PXDNL: variants seen among roughly 807,000 people sequenced by gnomAD.
PXDNL encodes the protein peroxidasin like.
A neutral mutation model predicts 150.8 loss-of-function variants in PXDNL; 145 were observed. That is an observed-to-expected ratio of 0.96 (90% CI 0.84 to 1.10). The LOEUF is 1.10. Ranked by LOEUF, PXDNL falls within the 50% of genes least tolerant of loss-of-function variation. The probability of loss-of-function intolerance (pLI) is 0.00; values close to 1 mark genes in which losing one functional copy is unlikely to be tolerated. For missense variants in PXDNL, 2,087 were observed against 1,873.9 expected (o/e 1.11, Z -2.10); for synonymous variants, 757 against 725.7 (o/e 1.04, Z -0.69).
chr8:51,647,922 T>G (rs547422048), intron 2 of PXDNL, among the ~76,000 whole-genome samples: 1 of 152,332 alleles, frequency 6.6e-6, no homozygotes, highest in African/African-American at 2.4e-5. Flanking sequence ...TTTTGCCTAT[T>G]TTTTAATATC....
At chr8:51,645,317 AAC>A (rs1341286639) in intron 2 of PXDNL, among the ~76,000 whole-genome samples, 1 of 152,186 alleles carries the variant, frequency 6.6e-6, no homozygotes, top group Non-Finnish European at 1.5e-5. Flanking sequence ...CTCTTCCAGA[AAC>A]ACCCTCTCAG....
chr8:51,426,603 G>C, intron 13 of PXDNL, 43 bp downstream of exon 13: 1 of 1,116,396 alleles, frequency 9.0e-7, no homozygotes, highest in South Asian at 1.4e-5. Flanking sequence ...CGATACATCT[G>C]TCAGTGTTTT....
At chr8:51,518,451 A>G (rs541074396) in intron 4 of PXDNL, among the ~76,000 whole-genome samples, 21 of 152,320 alleles carry the variant, frequency 1.4e-4, no homozygotes, top group Non-Finnish European at 2.2e-4. Flanking sequence ...AGAACATATA[A>G]TATGCTCAAA....
chr8:51,757,969 A>G (rs550927322), intron 1 of PXDNL, among the ~76,000 whole-genome samples: 1 of 152,226 alleles, frequency 6.6e-6, no homozygotes, highest in African/African-American at 2.4e-5. Context: ...TCTCATGAAA[A>G]TACCAATTAA....
chr8:51,792,693 C>T (rs1284981952), intron 1 of PXDNL, among the ~76,000 whole-genome samples: 2 of 152,188 alleles, frequency 1.3e-5, no homozygotes, highest in Non-Finnish European at 2.9e-5. Flanking sequence ...TTCCCCACAG[C>T]ACAGGATAAT....
At chr8:51,666,224 T>A (rs1815382836) in intron 1 of PXDNL, among the ~76,000 whole-genome samples, 1 of 152,180 alleles carries the variant, frequency 6.6e-6, no homozygotes, top group Non-Finnish European at 1.5e-5. Flanking sequence ...CCTTCCTTTT[T>A]AAGCTATCCT....
intron 3 of PXDNL, among the ~76,000 whole-genome samples, chr8:51,557,314 A>G (rs1336320879): frequency 6.6e-6 from 1 of 152,156 alleles, no homozygotes; most frequent in South Asian, 2.1e-4. Flanking sequence ...GATTCATCTT[A>G]AGGGGATAAA....
At position 51,688,254 on chromosome 8, in the gene PXDNL, A is replaced by C. The variant is rs147891649; in HGVS notation, c.165-33494T>G. Among the ~76,000 whole-genome samples, 28 of 152,226 alleles carry C rather than the reference A, an allele frequency of 1.8e-4. 1 individual carries two copies. The East Asian group carries it at 1.9e-3, about 11-fold the overall frequency. On this transcript the variant is annotated intron_variant, in intron 1 of 22. Coordinates refer to ENST00000356297, the MANE Select transcript of PXDNL (RefSeq NM_144651.5). ...GCATGGGTGCAGGAAGACCGGAGTCAGAAGCATGTCAGCCTCATAGTCAGG... is the reference window on the plus strand; with the variant it reads ...GCATGGGTGCAGGAAGACCGGAGTCCGAAGCATGTCAGCCTCATAGTCAGG...
At chr8:51,602,841 G>A (rs927845549) in intron 2 of PXDNL, among the ~76,000 whole-genome samples, 6 of 151,130 alleles carry the variant, frequency 4.0e-5, no homozygotes, top group African/African-American at 1.5e-4. Context: ...TTATTATACA[G>A]ATGTTTTAAA....
chr8:51,402,661 A>G (rs1157144973), intron 17 of PXDNL, among the ~76,000 whole-genome samples: 1 of 152,248 alleles, frequency 6.6e-6, no homozygotes, highest in Non-Finnish European at 1.5e-5. Flanking sequence ...AGAGGATTCA[A>G]AAATAGCTTT....
intron 1 of PXDNL, among the ~76,000 whole-genome samples, chr8:51,674,428 A>C (rs1195567076): frequency 6.6e-6 from 1 of 152,216 alleles, no homozygotes; most frequent in African/African-American, 2.4e-5. Flanking sequence ...AAATAATTAG[A>C]TGTCATGAAT....
chr8:51,801,370 T>A (rs1307296732), intron 1 of PXDNL, among the ~76,000 whole-genome samples: 2 of 152,210 alleles, frequency 1.3e-5, no homozygotes, highest in Admixed American at 6.5e-5. Flanking sequence ...AACATAGACC[T>A]TCATCAGTAA....
chr8:51,776,830 T>G (rs980871459), intron 1 of PXDNL, among the ~76,000 whole-genome samples: 1 of 152,124 alleles, frequency 6.6e-6, no homozygotes, highest in East Asian at 1.9e-4. Flanking sequence ...GGTCTTGACA[T>G]GTATCACAAT....
intron 2 of PXDNL, among the ~76,000 whole-genome samples, chr8:51,594,831 T>C (rs1047253484): frequency 3.9e-5 from 6 of 152,212 alleles, no homozygotes; most frequent in African/African-American, 1.2e-4. Context: ...ATTTATGTTA[T>C]GTTGTTTTAT....
chr8:51,365,922 A>T (rs1806903698), intron 19 of PXDNL, among the ~76,000 whole-genome samples: 3 of 152,326 alleles, frequency 2.0e-5, no homozygotes. Flanking sequence ...AAAGCAGCAT[A>T]ACCAAACTGA....
chr8:51,807,454 T>C (rs370581535), intron 1 of PXDNL, among the ~76,000 whole-genome samples: 5 of 152,154 alleles, frequency 3.3e-5, no homozygotes, highest in East Asian at 3.9e-4. Context: ...ACCTCCAACA[T>C]TGGGAGTTAC....
chr8:51,541,253 T>TAAATAAAGAAAA (rs1554551076), intron 4 of PXDNL, among the ~76,000 whole-genome samples: 1 of 127,210 alleles, frequency 7.9e-6, no homozygotes, highest in African/African-American at 2.9e-5. Flanking sequence ...TGAGACTCCA[T>TAAATAAAGAAAA]AAAAAAAAAA....
At chr8:51,340,252 TAGCTC>T (rs1397705522) in intron 20 of PXDNL, 1 of 152,178 alleles carries the variant, frequency 6.6e-6, no homozygotes, top group African/African-American at 2.4e-5. Context: ...TGATGCAAAA[TAGCTC>T]AGTCTTGTTG....
intron 1 of PXDNL, among the ~76,000 whole-genome samples, chr8:51,751,162 C>G (rs998317865): frequency 1.3e-5 from 2 of 152,088 alleles, no homozygotes; most frequent in Admixed American, 1.3e-4. Flanking sequence ...TAGGTCATAT[C>G]AACATGTTCT....
Sources: gnomAD v4.1 joint callset for allele counts (sites outside exome capture counted in the v4.1 genomes callset) on GRCh38, gnomAD v4.1.1 for gene constraint, MANE v1.5 for transcripts, NCBI Gene and HGNC (gene_info 2026-07-23, HGNC 2026-07-21) for gene names.